Variants in PARD3 observed in about 807,000 individuals in gnomAD.
PARD3 encodes partitioning defective 3 homolog.
In PARD3, 75 loss-of-function variants were observed where a neutral mutation model predicts 155.4. That is an observed-to-expected ratio of 0.48 (90% CI 0.40 to 0.58). PARD3 has a LOEUF of 0.58. Ranked by LOEUF, PARD3 falls within the 20% of genes least tolerant of loss-of-function variation. PARD3 has a pLI of 0.00. For missense variants in PARD3, 1,642 were observed against 1,721.7 expected (o/e 0.95, Z 0.82); for synonymous variants, 576 against 610.5 (o/e 0.94, Z 0.83).
In PARD3 at chr10:34,121,781, G is replaced by A. The variant is rs1267850506; in HGVS notation, c.3541-2041C>T. On this transcript the variant is annotated intron_variant, in intron 23 of 24. Coordinates refer to ENST00000374788, the MANE Select transcript of PARD3 (RefSeq NM_001184785.2). ...CAAAAATAATGTGTGAGGAGATTAG[G>A]CTTTACAATACCCCAGTCTCTACTA... Among the ~76,000 whole-genome samples, 4 of 152,280 alleles carry A rather than the reference G, an allele frequency of 2.6e-5. No homozygotes were observed. The East Asian group carries it at 7.7e-4, about 29-fold the overall frequency.
At chr10:34,643,692 G>A (rs1357262472) in intron 2 of PARD3, among the ~76,000 whole-genome samples, 1 of 152,178 alleles carries the variant, frequency 6.6e-6, no homozygotes, top group Non-Finnish European at 1.5e-5. Flanking sequence ...AACTGGGGAG[G>A]ATCACCTGAG....
chr10:34,753,960 G>A (rs549414959), intron 1 of PARD3, among the ~76,000 whole-genome samples: 11 of 151,776 alleles, frequency 7.2e-5, no homozygotes, highest in Admixed American at 3.9e-4. Context: ...TTATGATAAC[G>A]TAGAAAAAAC....
At chr10:34,321,098 T>C (rs1958346776) in intron 19 of PARD3, among the ~76,000 whole-genome samples, 1 of 152,080 alleles carries the variant, frequency 6.6e-6, no homozygotes. Context: ...ATGCTTAATT[T>C]TTGAAAAAAA....
At chr10:34,238,099 A>T (rs1255991906) in intron 22 of PARD3, among the ~76,000 whole-genome samples, 3 of 152,230 alleles carry the variant, frequency 2.0e-5, no homozygotes, top group Admixed American at 6.5e-5. Flanking sequence ...CCATTGAATT[A>T]TTAAAATAAA....
chr10:34,428,843 C>T (rs2075757613), intron 5 of PARD3, among the ~76,000 whole-genome samples: 1 of 152,132 alleles, frequency 6.6e-6, no homozygotes, highest in African/African-American at 2.4e-5. Context: ...CACAAACACA[C>T]AAATATATAC....
At chr10:34,341,260 T>C (rs956288939) in intron 16 of PARD3, among the ~76,000 whole-genome samples, 12 of 151,404 alleles carry the variant, frequency 7.9e-5, no homozygotes, top group Non-Finnish European at 1.2e-4. Flanking sequence ...TTTGCAAAAG[T>C]ATCTAATTGT....
In PARD3 at chr10:34,341,619, G is replaced by A. The variant is rs184632707; in HGVS notation, c.2408+8C>T. The A allele has an allele frequency of 1.6e-5, 25 of 1,607,774 alleles. No homozygotes were observed. Among genetic ancestry groups the A allele is most frequent in the East Asian group, 4.5e-5 (2 of 44,742 alleles). On this transcript the variant is annotated splice_region_variant and intron_variant, in intron 16 of 24. Transcript: ENST00000374788. ...TTCATGTTTTCCAACCCTGGACGAT[G>A]AGCTTACCAGTCGGCTGAATCACTG... is the stretch of plus-strand genomic sequence containing the variant.
chr10:34,258,962 G>C (rs555146742), intron 22 of PARD3, among the ~76,000 whole-genome samples: 1 of 152,022 alleles, frequency 6.6e-6, no homozygotes, highest in Admixed American at 6.6e-5. Context: ...CCAGCTACTC[G>C]AGAGGCTGAG....
chr10:34,390,936 T>G (rs969656875), intron 7 of PARD3, among the ~76,000 whole-genome samples: 1 of 152,148 alleles, frequency 6.6e-6, no homozygotes, highest in African/African-American at 2.4e-5. Context: ...TTTAAAAATA[T>G]ACAGGAACAA....
chr10:34,121,136 T>A (rs1240660320), intron 23 of PARD3, among the ~76,000 whole-genome samples: 3 of 152,080 alleles, frequency 2.0e-5, no homozygotes, highest in African/African-American at 7.2e-5. Context: ...CATCTGGTGA[T>A]TGGTGCTTCT....
chr10:34,656,654 T>C lies in PARD3; in HGVS notation c.222+39664A>G, dbSNP rs536201574. 3.3e-5 allele frequency among the ~76,000 whole-genome samples: 5 copies of C among 152,320 alleles called. 1 individual carries two copies. Among genetic ancestry groups the C allele is most frequent in the African/African-American group, 1.2e-4 (5 of 41,574 alleles). On this transcript the variant is annotated intron_variant, in intron 2 of 24. Coordinates refer to ENST00000374788, the MANE Select transcript of PARD3 (RefSeq NM_001184785.2). ...TCCAAAAGCTTCCTAATGACAATAA[T>C]TAAACATCTGGTAATGGTGACCTAC...
chr10:34,134,223 A>G (rs1255458675), intron 22 of PARD3, among the ~76,000 whole-genome samples: 12 of 152,218 alleles, frequency 7.9e-5, no homozygotes, highest in African/African-American at 2.7e-4. Flanking sequence ...GGTTACCTTC[A>G]TAAGACAAAA....
At chr10:34,701,285 A>G (rs1328444527) in intron 1 of PARD3, among the ~76,000 whole-genome samples, 1 of 152,024 alleles carries the variant, frequency 6.6e-6, no homozygotes, top group Non-Finnish European at 1.5e-5. Flanking sequence ...AGACACACTT[A>G]TTTTTATTTC....
chr10:34,305,426 C>T (rs367606053), intron 20 of PARD3, among the ~76,000 whole-genome samples: 8 of 152,372 alleles, frequency 5.3e-5, no homozygotes, highest in Admixed American at 1.3e-4. Flanking sequence ...TGCTCATTTG[C>T]TCTGCAGCAG....
chr10:34,735,395 T>C lies in PARD3; in HGVS notation c.121-38976A>G, dbSNP rs376631878. ...TCATATGACAAGATATTATGGAATATGCAATAACGATTACAGGACTTCTCA... is the reference window on the plus strand; with the variant it reads ...TCATATGACAAGATATTATGGAATACGCAATAACGATTACAGGACTTCTCA... On this transcript the variant is annotated intron_variant, in intron 1 of 24. Coordinates refer to ENST00000374788, the MANE Select transcript of PARD3 (RefSeq NM_001184785.2). 3.9e-5 allele frequency among the ~76,000 whole-genome samples: 6 copies of C among 152,318 alleles called. No individual in the cohort carries two copies. The East Asian group carries it at 5.8e-4, about 15-fold the overall frequency.
rs1839297979 is a variant in PARD3 at position 34,360,056 on chromosome 10, A to G, written c.1896+15T>C. ...TTTTGTTAATAGGCATACGCATGAT[A>G]AAGTTGACACTCACTTTAGATGCTG... is the stretch of plus-strand genomic sequence containing the variant. On this transcript the variant is annotated intron_variant, in intron 13 of 24. Transcript: ENST00000374788. 6.2e-7 allele frequency: 1 copy of G among 1,606,186 alleles called. No individual in the cohort carries two copies. Among genetic ancestry groups the G allele is most frequent in the African/African-American group, 1.3e-5 (1 of 74,828 alleles).
intron 2 of PARD3, among the ~76,000 whole-genome samples, chr10:34,632,700 T>A (rs2092318633): frequency 6.6e-6 from 1 of 152,234 alleles, no homozygotes; most frequent in South Asian, 2.1e-4. Flanking sequence ...GTCAAAAGCT[T>A]ATTATACTGA....
At chr10:34,361,293 TCTC>T (rs1216995030) in intron 12 of PARD3, among the ~76,000 whole-genome samples, 2 of 152,206 alleles carry the variant, frequency 1.3e-5, no homozygotes, top group South Asian at 2.1e-4. Context: ...ACAACCTATT[TCTC>T]CTCCTCTTTT....
intron 24 of PARD3, among the ~76,000 whole-genome samples, chr10:34,117,069 A>C (rs950687810): frequency 1.3e-5 from 2 of 152,170 alleles, no homozygotes; most frequent in African/African-American, 4.8e-5. Flanking sequence ...TCTTCTGAGG[A>C]CTGGGACCCA....
Sources: allele counts gnomAD v4.1 joint callset (sites outside exome capture counted in the v4.1 genomes callset), GRCh38; gene constraint gnomAD v4.1.1; transcripts MANE v1.5; gene names NCBI Gene and HGNC (gene_info 2026-07-23, HGNC 2026-07-21).